Variants in TBCA observed in about 807,000 individuals in gnomAD.
TBCA encodes tubulin folding cofactor A.
In TBCA, 6 loss-of-function variants were observed where a neutral mutation model predicts 15.8. That is an observed-to-expected ratio of 0.38 (90% CI 0.21 to 0.75). The LOEUF is 0.75. TBCA is among the 30% of genes least tolerant of loss of function. The pLI is 0.46. For missense variants in TBCA, 90 were observed against 131.2 expected (o/e 0.69, Z 1.53); for synonymous variants, 32 against 42.3 (o/e 0.76, Z 0.94).
intron 1 of TBCA, among the ~76,000 whole-genome samples, chr5:77,770,573 C>T (rs1238349012): frequency 1.5e-5 from 1 of 64,604 alleles, no homozygotes; most frequent in Non-Finnish European, 2.7e-5. Flanking sequence ...ATATCCTCCC[C>T]CGCTCCAAAA....
At position 77,723,838 on chromosome 5, in the gene TBCA, T is replaced by C. The variant is rs542714895; in HGVS notation, c.54-15491A>G. 5.9e-5 allele frequency among the ~76,000 whole-genome samples: 9 copies of C among 152,166 alleles called. No individual in the cohort carries two copies. The East Asian group carries it at 1.7e-3, about 29-fold the overall frequency. On this transcript the variant is annotated intron_variant, in intron 1 of 3. Coordinates refer to ENST00000380377, the MANE Select transcript of TBCA (RefSeq NM_004607.3). Reference sequence around the variant, plus strand: ...AGAAACTAGAGAATATGATTTATGATTAGAAAAAGTAACTTCTTATGATGT... The same window carrying C: ...AGAAACTAGAGAATATGATTTATGACTAGAAAAAGTAACTTCTTATGATGT...
intron 1 of TBCA, among the ~76,000 whole-genome samples, chr5:77,722,586 G>A (rs1746550614): frequency 3.3e-5 from 5 of 151,944 alleles, no homozygotes; most frequent in African/African-American, 1.2e-4. Flanking sequence ...TTATCTTACA[G>A]TAAAGAAACA....
At position 77,720,763 on chromosome 5, in the gene TBCA, G is replaced by T. The variant is rs1423787530; in HGVS notation, c.54-12416C>A. 4.6e-5 allele frequency among the ~76,000 whole-genome samples: 7 copies of T among 152,252 alleles called. No homozygotes were observed. In the East Asian group the frequency reaches 1.2e-3, roughly 25 times the overall value. On this transcript the variant is annotated intron_variant, in intron 1 of 3. Coordinates refer to ENST00000380377, the MANE Select transcript of TBCA (RefSeq NM_004607.3). ...GAAGTCTATCTTAGATGCGTTAAAA[G>T]AAGTGGAGAACCTAAAACATGGTAC...
intron 2 of TBCA, chr5:77,705,503 G>A: frequency 7.5e-6 from 3 of 398,306 alleles, no homozygotes; most frequent in Non-Finnish European, 1.3e-5. Flanking sequence ...CATTCCATAT[G>A]TAAATCCTTA....
Position 77,742,291 on chromosome 5 carries a change from A to G in TBCA, c.53+33914T>C, listed in dbSNP as rs527969180. ...AAGGTTTCAGATTTGGGGGCACTTC[A>G]GATTTTCAGATAAGGAATATTCAAC... On this transcript the variant is annotated intron_variant, in intron 1 of 3. Coordinates refer to ENST00000380377, the MANE Select transcript of TBCA (RefSeq NM_004607.3). 1.6e-3 allele frequency among the ~76,000 whole-genome samples: 240 copies of G among 152,278 alleles called. 1 individual carries two copies. Among genetic ancestry groups the G allele is most frequent in the Non-Finnish European group, 2.6e-3 (179 of 68,018 alleles).
At chr5:77,716,307 A>C (rs1267989701) in intron 1 of TBCA, among the ~76,000 whole-genome samples, 1 of 152,202 alleles carries the variant, frequency 6.6e-6, no homozygotes, top group African/African-American at 2.4e-5. Flanking sequence ...ATGACATCTG[A>C]GGTTTTAGCA....
intron 1 of TBCA, among the ~76,000 whole-genome samples, chr5:77,741,082 A>G (rs1747019595): frequency 6.6e-6 from 1 of 152,202 alleles, no homozygotes; most frequent in Non-Finnish European, 1.5e-5. Flanking sequence ...TGTTACTAAG[A>G]AGGCAAGATA....
intron 1 of TBCA, among the ~76,000 whole-genome samples, chr5:77,764,013 T>C (rs1333697641): frequency 1.3e-5 from 2 of 152,170 alleles, no homozygotes; most frequent in Non-Finnish European, 2.9e-5. Context: ...ATTGCGGTAT[T>C]ATCAAACAAT....
rs1561285837 is a variant in TBCA, at chr5:77,766,511, T to C, written c.53+9694A>G. ...TCTCACTTTTATTTATTTATTTATT[T>C]ATTTTTTTTTTTTTTTGAGACGGAG... On this transcript the variant is annotated intron_variant, in intron 1 of 3. Coordinates refer to ENST00000380377, the MANE Select transcript of TBCA (RefSeq NM_004607.3). Among the ~76,000 whole-genome samples the C allele has an allele frequency of 2.2e-4, 8 of 36,036 alleles. 3 individuals carry two copies. The South Asian group carries it at 4.7e-3, about 21-fold the overall frequency. 23.6% of individuals were successfully genotyped at this position (36,036 alleles called of 152,430 possible).
At chr5:77,699,153 G>A (rs987461804) in intron 2 of TBCA, among the ~76,000 whole-genome samples, 3 of 148,262 alleles carry the variant, frequency 2.0e-5, no homozygotes, top group African/African-American at 7.5e-5. Flanking sequence ...AAATTAGAAA[G>A]ACTTACCATA....
intron 1 of TBCA, among the ~76,000 whole-genome samples, chr5:77,770,631 A>G (rs6868611): frequency 0.015 from 2,284 of 152,018 alleles, 56 homozygotes; most frequent in African/African-American, 0.051. Context: ...AAAACTGAGT[A>G]TTATTTGGTA....
chr5:77,698,662 AT>A, intron 2 of TBCA, among the ~76,000 whole-genome samples: 1 of 152,340 alleles, frequency 6.6e-6, no homozygotes, highest in African/African-American at 2.4e-5. Context: ...TGAAATCAGT[AT>A]TCCCAAATGA....
chr5:77,727,726 T>A lies in TBCA; in HGVS notation c.54-19379A>T, dbSNP rs79504999. Among the ~76,000 whole-genome samples the A allele has an allele frequency of 2.9e-4, 44 of 152,218 alleles. No individual in the cohort carries two copies. The East Asian group carries it at 6.9e-3, about 24-fold the overall frequency. On this transcript the variant is annotated intron_variant, in intron 1 of 3. Coordinates refer to ENST00000380377, the MANE Select transcript of TBCA (RefSeq NM_004607.3). Reference sequence around the variant, plus strand: ...ATAGAGTCAATATAGCCCAAATACATACAAGTCTAACTCAGCCCAACAGGG... The same window carrying A: ...ATAGAGTCAATATAGCCCAAATACAAACAAGTCTAACTCAGCCCAACAGGG...
In TBCA at chr5:77,693,472, T is replaced by C. The variant is rs920055561; in HGVS notation, c.160-120A>G. The stretch of plus-strand genomic sequence containing the variant: ...AGAAAAAAGTTATGGTTATGTTAAA[T>C]GGTTCAATATTTTAACTTAAATTGT... On this transcript the variant is annotated intron_variant, in intron 2 of 3. Transcript: ENST00000380377. The C allele has an allele frequency of 3.5e-6, 4 of 1,146,624 alleles. No homozygotes were observed. The African/African-American group carries it at 6.3e-5, about 18-fold the overall frequency. 71.0% of individuals were successfully genotyped at this position (1,146,624 alleles called of 1,614,324 possible).
chr5:77,748,333 A>G lies in TBCA; in HGVS notation c.53+27872T>C, dbSNP rs1439574457. On this transcript the variant is annotated intron_variant, in intron 1 of 3. Transcript: ENST00000380377. ...GGTAATCCTGAGCAAACTAATTACC[A>G]CCTACTTCTCTTGTCTATTTCTGCG... Among the ~76,000 whole-genome samples, 7 of 151,586 alleles carry G rather than the reference A, an allele frequency of 4.6e-5. No individual in the cohort carries two copies. The East Asian group carries it at 1.4e-3, about 29-fold the overall frequency.
chr5:77,743,857 G>A lies in TBCA; in HGVS notation c.53+32348C>T, dbSNP rs1006653955. Among the ~76,000 whole-genome samples, 9 of 152,044 alleles carry A rather than the reference G, an allele frequency of 5.9e-5. 1 individual carries two copies. Among genetic ancestry groups the A allele is most frequent in the Admixed American group, 2.0e-4 (3 of 15,266 alleles). ...AAAGTTGTGCCAGGTACCATCGTAG[G>A]CACTAGGCATATAATGGTAAATAAG... On this transcript the variant is annotated intron_variant, in intron 1 of 3. Coordinates refer to ENST00000380377, the MANE Select transcript of TBCA (RefSeq NM_004607.3).
chr5:77,748,247 T>C (rs12658878), intron 1 of TBCA, among the ~76,000 whole-genome samples: 10,832 of 152,254 alleles, frequency 0.071, 538 homozygotes, highest in African/African-American at 0.14. Flanking sequence ...ATCTGTGAAA[T>C]AACTGTAATG....
chr5:77,703,959 C>A (rs923180911), intron 2 of TBCA, among the ~76,000 whole-genome samples: 1 of 151,988 alleles, frequency 6.6e-6, no homozygotes, highest in Non-Finnish European at 1.5e-5. Context: ...TTTCAAAGTG[C>A]GGCACTTCCC....
rs1000394883 is a variant in TBCA at position 77,691,437 on chromosome 5, G to A, written c.308C>T (p.Ser103Leu). Residue 103 changes from serine to leucine, a missense_variant, in exon 4 of 4, where the codon TCA (serine) becomes TTA (leucine). Transcript: ENST00000380377. ...AAAGTTTCAGGCTTCTAACTTCACT[G>A]AATCCAGTACTAAACGTGCTTCTTT... ...EYKEARLVLD[S>L]VKLEA is the part of the protein sequence containing the mutation. The A allele has an allele frequency of 5.6e-6, 9 of 1,598,034 alleles. No homozygotes were observed. Among genetic ancestry groups the A allele is most frequent in the Non-Finnish European group, 7.7e-6 (9 of 1,176,378 alleles).
Sources: gnomAD v4.1 joint callset for allele counts (sites outside exome capture counted in the v4.1 genomes callset) on GRCh38, gnomAD v4.1.1 for gene constraint, MANE v1.5 for transcripts, NCBI Gene and HGNC (gene_info 2026-07-23, HGNC 2026-07-21) for gene names.